Variants in IPO11 observed in about 807,000 individuals in gnomAD.
IPO11 encodes the protein importin 11.
A neutral mutation model predicts 143.2 loss-of-function variants in IPO11; 66 were observed. That is an observed-to-expected ratio of 0.46 (90% CI 0.38 to 0.57). The LOEUF (loss-of-function observed/expected upper bound fraction) is 0.57. IPO11 is among the 20% of genes least tolerant of loss of function. The pLI, the probability that IPO11 is intolerant of heterozygous loss-of-function variation, is 0.00. For missense variants in IPO11, 1,026 were observed against 1,141.0 expected, an observed-to-expected ratio of 0.90 and a Z score of 1.45; for synonymous variants, 385 against 377.8, an observed-to-expected ratio of 1.02 and a Z score of -0.22.
chr5:62,489,923 A>C (rs1015613843), intron 14 of IPO11, among the ~76,000 whole-genome samples, 192 bp from the exon 15 acceptor site: 1 of 152,248 alleles, frequency 6.6e-6, no homozygotes, highest in Non-Finnish European at 1.5e-5. Flanking sequence ...GTAGTAAGGA[A>C]TATTTAGGAA....
At position 62,415,464 on chromosome 5, in the gene IPO11, CTT is replaced by C. The variant is rs67290766; in HGVS notation, c.-7+2555_-7+2556del. On this transcript the variant is annotated intron_variant, in intron 1 of 29. Transcript: ENST00000325324. ...AGGAGTGAGCCCGGCCCCGTCTTTA[CTT>C]TTTTTTTTTTTTTTTTTTTGAGATG... Among the ~76,000 whole-genome samples the C allele has an allele frequency of 2.4e-4, 24 of 101,254 alleles. 1 individual carries two copies. Among genetic ancestry groups the C allele is most frequent in the African/African-American group, 5.4e-4 (12 of 22,092 alleles). The allele number at this position is 101,254 out of a possible 152,430, so 66.4% of individuals were successfully genotyped here.
Position 62,453,624 on chromosome 5 carries a change from G to A in IPO11, c.516+1691G>A, listed in dbSNP as rs547674657. 2.6e-5 allele frequency among the ~76,000 whole-genome samples: 4 copies of A among 152,168 alleles called. No homozygotes were observed. The South Asian group carries it at 6.2e-4, about 24-fold the overall frequency. On this transcript the variant is annotated intron_variant, in intron 5 of 29. Coordinates refer to ENST00000325324, the MANE Select transcript of IPO11 (RefSeq NM_016338.5). Reference sequence around the variant, plus strand: ...TAGGGAAGGGGGTGGGAAAAGCAGTGTATAACCTTGAGCTGTCTTCCATGT... The same window carrying A: ...TAGGGAAGGGGGTGGGAAAAGCAGTATATAACCTTGAGCTGTCTTCCATGT...
At chr5:62,426,387 CA>C (rs1275354433) in intron 1 of IPO11, among the ~76,000 whole-genome samples, 1 of 150,978 alleles carries the variant, frequency 6.6e-6, no homozygotes, top group East Asian at 2.0e-4. Flanking sequence ...GACTCTGTCT[CA>C]AAACAGACAA....
intron 26 of IPO11, among the ~76,000 whole-genome samples, chr5:62,558,535 T>C (rs1034393601): frequency 7.2e-5 from 11 of 152,330 alleles, no homozygotes; most frequent in African/African-American, 2.6e-4. Context: ...GTCTAAATTA[T>C]ATTTTATCAG....
chr5:62,620,654 C>T (rs1281192572), intron 29 of IPO11, among the ~76,000 whole-genome samples: 1 of 151,656 alleles, frequency 6.6e-6, no homozygotes, highest in African/African-American at 2.4e-5. Context: ...GACCTGGAGT[C>T]AATAGAAAAG....
chr5:62,484,219 GTT>G, intron 11 of IPO11, 57 bp downstream of exon 11: 5 of 1,415,538 alleles, frequency 3.5e-6, no homozygotes, highest in Non-Finnish European at 4.8e-6. Context: ...ATAAATATCT[GTT>G]TGAGTGATAG....
At chr5:62,545,259 C>T (rs1458845928) in intron 24 of IPO11, among the ~76,000 whole-genome samples, 1 of 152,090 alleles carries the variant, frequency 6.6e-6, no homozygotes, top group African/African-American at 2.4e-5. Context: ...AGATATAGAC[C>T]AATGGAACAT....
In IPO11 at chr5:62,484,076, CAG is replaced by C. The variant is rs1561329759; in HGVS notation, c.1092_1093del (p.Glu364AspfsTer3). 9 of 1,608,340 alleles carry C rather than the reference CAG, an allele frequency of 5.6e-6. No individual in the cohort carries two copies. Among genetic ancestry groups the C allele is most frequent in the Non-Finnish European group, 7.6e-6 (9 of 1,176,726 alleles). On this transcript the variant is annotated frameshift_variant, in exon 11 of 30. Transcript: ENST00000325324. LOFTEE classifies it high-confidence loss of function. The stretch of plus-strand genomic sequence containing the variant: ...GCATTCTTCACATATCCTACTTTGA[CAG>C]AGATATGTAGAAGATTAGTCTCTCA...
At chr5:62,520,225 C>G (rs186919647) in intron 20 of IPO11, among the ~76,000 whole-genome samples, 1 of 152,292 alleles carries the variant, frequency 6.6e-6, no homozygotes, top group African/African-American at 2.4e-5. Flanking sequence ...GGTGTGTGTA[C>G]AGTAGTGTCC....
intron 5 of IPO11, among the ~76,000 whole-genome samples, chr5:62,456,645 A>G (rs1447749792): frequency 6.6e-6 from 1 of 152,132 alleles, no homozygotes; most frequent in Non-Finnish European, 1.5e-5. Context: ...TTAATCTTAA[A>G]TTTTTACTTC....
Position 62,607,902 on chromosome 5 carries a change from T to G in IPO11, c.2763+6054T>G, listed in dbSNP as rs528080889. 5.3e-5 allele frequency among the ~76,000 whole-genome samples: 8 copies of G among 151,958 alleles called. No homozygotes were observed. In the South Asian group the frequency reaches 8.3e-4, roughly 16 times the overall value. Reference sequence around the variant, plus strand: ...TGCTATCTCAGCTCACTGCAACCTCTGCCTCCCGGGTTCAAGCGATTCTCC... The same window carrying G: ...TGCTATCTCAGCTCACTGCAACCTCGGCCTCCCGGGTTCAAGCGATTCTCC... On this transcript the variant is annotated intron_variant, in intron 29 of 29. Coordinates refer to ENST00000325324, the MANE Select transcript of IPO11 (RefSeq NM_016338.5).
chr5:62,580,302 A>G, intron 27 of IPO11: 1 of 1,538,502 alleles, frequency 6.5e-7, no homozygotes, highest in Non-Finnish European at 8.8e-7. Flanking sequence ...ATAATGATTT[A>G]GAGAATTTAA....
intron 14 of IPO11, 50 bp downstream of exon 14, chr5:62,489,399 AGAGTCTGTTTTG>A (rs769338097): frequency 8.4e-5 from 110 of 1,312,684 alleles, no homozygotes; most frequent in Non-Finnish European, 1.2e-4. Flanking sequence ...CAGTAGATGG[AGAGTCTGTTTTG>A]TGGTAGATTT....
At chr5:62,496,471 TA>T (rs1329136359) in intron 16 of IPO11, among the ~76,000 whole-genome samples, 1 of 152,218 alleles carries the variant, frequency 6.6e-6, no homozygotes, top group Non-Finnish European at 1.5e-5. Flanking sequence ...CTGTAACTAT[TA>T]TTTTGCAATA....
At chr5:62,470,139 C>T in intron 6 of IPO11, 111 bp from the exon 7 acceptor site, 1 of 1,005,176 alleles carries the variant, frequency 9.9e-7, no homozygotes, top group East Asian at 2.5e-5. Context: ...AACTTTCCAA[C>T]CCAGATTAAC....
intron 1 of IPO11, among the ~76,000 whole-genome samples, chr5:62,416,648 T>A (rs1219332231): frequency 1.3e-5 from 2 of 152,128 alleles, no homozygotes; most frequent in Admixed American, 1.3e-4. Context: ...TCCATAACAT[T>A]CAGTTACTCC....
intron 3 of IPO11, chr5:62,443,370 G>T: frequency 1.2e-5 from 3 of 246,834 alleles, no homozygotes; most frequent in South Asian, 8.6e-5. Flanking sequence ...TTTCTTCATG[G>T]TTTTCCATTT....
At chr5:62,493,898 C>T in intron 15 of IPO11, 100 bp from the exon 16 acceptor site, 1 of 1,071,806 alleles carries the variant, frequency 9.3e-7, no homozygotes, top group Non-Finnish European at 1.3e-6. Flanking sequence ...ATGCAGATTG[C>T]ATTCTTACTA....
intron 1 of IPO11, among the ~76,000 whole-genome samples, chr5:62,433,315 G>GAT (rs1744060243): frequency 6.6e-6 from 1 of 152,102 alleles, no homozygotes; most frequent in Non-Finnish European, 1.5e-5. Flanking sequence ...CTGCAGGTCT[G>GAT]ATAAATCTGT....
Sources: allele counts gnomAD v4.1 joint callset (sites outside exome capture counted in the v4.1 genomes callset), GRCh38; gene constraint gnomAD v4.1.1; transcripts MANE v1.5; gene names NCBI Gene and HGNC (gene_info 2026-07-23, HGNC 2026-07-21).